MAPK10: variants seen among roughly 807,000 people sequenced by gnomAD.
The protein encoded by MAPK10 is mitogen-activated protein kinase 10.
Under a neutral mutation model 59.3 loss-of-function variants are expected in MAPK10, and 25 were observed. The observed-to-expected ratio is 0.42, with a 90% CI of 0.31 to 0.59. The LOEUF (loss-of-function observed/expected upper bound fraction) is 0.59. MAPK10 is among the 20% of genes least tolerant of loss of function. MAPK10 has a pLI of 0.15. For synonymous variants in MAPK10, 190 were observed against 200.5 expected (o/e 0.95, Z 0.44); for missense variants, 351 against 568.9 (o/e 0.62, Z 3.90).
At chr4:86,452,670 T>G (rs955832169) in intron 1 of MAPK10, among the ~76,000 whole-genome samples, 1 of 152,182 alleles carries the variant, frequency 6.6e-6, no homozygotes, top group Non-Finnish European at 1.5e-5. Context: ...TAAGCTAAGC[T>G]TGCCTATAAA....
intron 4 of MAPK10, among the ~76,000 whole-genome samples, chr4:86,137,366 C>G (rs1295202498): frequency 1.4e-5 from 2 of 145,292 alleles, no homozygotes; most frequent in Non-Finnish European, 3.0e-5. Context: ...AACTAGAACT[C>G]AGGATTAAGA....
chr4:86,334,832 G>A (rs911110925), intron 2 of MAPK10, among the ~76,000 whole-genome samples: 15 of 151,896 alleles, frequency 9.9e-5, no homozygotes, highest in Admixed American at 7.2e-4. Flanking sequence ...AGGTTAGCAT[G>A]CAAATAAATA....
chr4:86,262,037 TGCTATGATTTGTTGC>T (rs2094004517), intron 2 of MAPK10, among the ~76,000 whole-genome samples: 1 of 152,264 alleles, frequency 6.6e-6, no homozygotes, highest in Non-Finnish European at 1.5e-5. Context: ...TTAATATAAC[TGCTATGATTTGTTGC>T]GCTATGATTT....
intron 2 of MAPK10, among the ~76,000 whole-genome samples, chr4:86,223,433 G>A (rs2090031191): frequency 6.6e-6 from 1 of 152,186 alleles, no homozygotes; most frequent in Non-Finnish European, 1.5e-5. Flanking sequence ...CACACCATTA[G>A]AACAGCATTG....
In MAPK10 at chr4:86,412,054, T is replaced by C. The variant is rs140627293; in HGVS notation, c.-122+40976A>G. ...GGCTAGTACCGGTTGTCCCTTTCCA[T>C]GTTTAGTACTTTCTTCAGGAGTTCT... On this transcript the variant is annotated intron_variant, in intron 1 of 13. Transcript: ENST00000361569. 9.1e-3 allele frequency among the ~76,000 whole-genome samples: 1,379 copies of C among 152,340 alleles called. 13 individuals carry two copies. The highest frequency in any genetic ancestry group is 0.031 in the African/African-American group (1,304 of 41,560).
In MAPK10 at chr4:86,359,863, G is replaced by C. The variant is rs1736527099; in HGVS notation, c.-327C>G. ...CAAGCCCCTAGGAATTGAGGGGTGA[G>C]GACAAAAAAGGAAATTTGTAAAAAT... On this transcript the variant is annotated 5_prime_UTR_variant, in exon 1 of 14. Coordinates refer to ENST00000641462, the MANE Select transcript of MAPK10 (RefSeq NM_138982.4). 1 of 985,006 alleles carries C rather than the reference G, an allele frequency of 1.0e-6. No homozygotes were observed. The highest frequency in any genetic ancestry group is 1.8e-5 in the African/African-American group (1 of 56,988). The allele number at this position is 985,006 out of a possible 1,614,324, so 61.0% of individuals were successfully genotyped here. A position where few individuals can be genotyped will look rare whatever the true frequency, so the allele number is the denominator to read the frequency against.
chr4:86,319,556 TCTGATTTTTCAGC>T (rs574675860), intron 2 of MAPK10, among the ~76,000 whole-genome samples: 49 of 152,290 alleles, frequency 3.2e-4, no homozygotes, highest in East Asian at 2.7e-3. Flanking sequence ...TTCACTCATC[TCTGATTTTTCAGC>T]CTCAGCTGCA....
At chr4:86,277,556 A>G (rs1476823840) in intron 2 of MAPK10, among the ~76,000 whole-genome samples, 1 of 152,162 alleles carries the variant, frequency 6.6e-6, no homozygotes, top group Admixed American at 6.6e-5. Flanking sequence ...AAAGTGCCTA[A>G]GTATTGAGAT....
chr4:86,335,447 T>C (rs1230729525), intron 2 of MAPK10, among the ~76,000 whole-genome samples: 4 of 152,214 alleles, frequency 2.6e-5, no homozygotes, highest in Non-Finnish European at 5.9e-5. Flanking sequence ...GATAACCAGA[T>C]AAGTTTGCTA....
intron 2 of MAPK10, among the ~76,000 whole-genome samples, chr4:86,336,784 C>CTTTTTTTTT (rs70948788): frequency 2.4e-5 from 2 of 83,066 alleles, no homozygotes; most frequent in Admixed American, 1.8e-4. Context: ...GGAATGACTC[C>CTTTTTTTTT]TTTTTTTTTT....
chr4:86,111,742 T>A lies in MAPK10; in HGVS notation c.237-4390A>T, dbSNP rs552362480. Among the ~76,000 whole-genome samples, 24 of 152,344 alleles carry A rather than the reference T, an allele frequency of 1.6e-4. No homozygotes were observed. In the South Asian group the frequency reaches 5.0e-3, roughly 32 times the overall value. ...TGGTATCAGGATAATGCTGGCCTCA[T>A]AAAATGAGTTAGGAAGAGTCCCTCC... is the stretch of plus-strand genomic sequence containing the variant. On this transcript the variant is annotated intron_variant, in intron 4 of 13. Coordinates refer to ENST00000641462, the MANE Select transcript of MAPK10 (RefSeq NM_138982.4).
intron 1 of MAPK10, among the ~76,000 whole-genome samples, chr4:86,525,987 A>T (rs1165373285): frequency 3.5e-5 from 5 of 142,506 alleles, no homozygotes; most frequent in African/African-American, 1.2e-4. Context: ...TTTGTTGAGG[A>T]TTTTTGCATC....
At chr4:86,188,997 T>C (rs2078995368) in intron 3 of MAPK10, among the ~76,000 whole-genome samples, 1 of 152,216 alleles carries the variant, frequency 6.6e-6, no homozygotes, top group South Asian at 2.1e-4. Flanking sequence ...CAACACCATT[T>C]ATTAAATAGG....
At chr4:86,417,142 C>G (rs537583071) in intron 1 of MAPK10, among the ~76,000 whole-genome samples, 1 of 152,214 alleles carries the variant, frequency 6.6e-6, no homozygotes, top group African/African-American at 2.4e-5. Context: ...TTTTCTTTCT[C>G]TTTTATACAT....
At chr4:86,044,293 C>T (rs1432357906) in intron 11 of MAPK10, among the ~76,000 whole-genome samples, 3 of 152,134 alleles carry the variant, frequency 2.0e-5, no homozygotes, top group Non-Finnish European at 4.4e-5. Flanking sequence ...TACGGCTGCA[C>T]ATTGAAATCA....
At chr4:86,268,933 CT>C (rs1439390782) in intron 2 of MAPK10, among the ~76,000 whole-genome samples, 1 of 152,136 alleles carries the variant, frequency 6.6e-6, no homozygotes, top group Non-Finnish European at 1.5e-5. Flanking sequence ...AACGTGACTA[CT>C]TCTGTGTTGT....
Position 86,015,949 on chromosome 4 carries a change from A to C in MAPK10, c.*1279T>G, listed in dbSNP as rs1438247080. 2.0e-5 allele frequency: 3 copies of C among 152,170 alleles called. No individual in the cohort carries two copies. The highest frequency in any genetic ancestry group is 6.5e-5 in the Admixed American group (1 of 15,268). The allele number at this position is 152,170 out of a possible 1,614,324, so 9.4% of individuals were successfully genotyped here. A position where few individuals can be genotyped will look rare whatever the true frequency, so the allele number is the denominator to read the frequency against. ...GTGGTTTGGGGGTTTCATTATTATT[A>C]TTATTATTTTATTTCAGAAGAGGAA... On this transcript the variant is annotated 3_prime_UTR_variant, in exon 14 of 14. Coordinates refer to ENST00000641462, the MANE Select transcript of MAPK10 (RefSeq NM_138982.4).
upstream of MAPK10, among the ~76,000 whole-genome samples, chr4:86,454,080 A>G (rs2149057315): frequency 6.6e-6 from 1 of 152,332 alleles, no homozygotes; most frequent in South Asian, 2.1e-4. Flanking sequence ...TACTACATCA[A>G]GGAAACACCC....
intron 1 of MAPK10, among the ~76,000 whole-genome samples, chr4:86,381,927 A>T (rs759244203): frequency 6.6e-6 from 1 of 152,076 alleles, no homozygotes; most frequent in African/African-American, 2.4e-5. Flanking sequence ...GGCTAACTCT[A>T]TGGGGCAGGA....
Sources: gnomAD v4.1 joint callset for allele counts (sites outside exome capture counted in the v4.1 genomes callset) on GRCh38, gnomAD v4.1.1 for gene constraint, MANE v1.5 for transcripts, NCBI Gene and HGNC (gene_info 2026-07-23, HGNC 2026-07-21) for gene names.